Variants in UVRAG observed in about 807,000 individuals in gnomAD.
The protein encoded by UVRAG is UV radiation resistance associated, also known as UV radiation resistance-associated gene protein.
UVRAG carries 19 observed loss-of-function variants against 78.0 expected under a neutral mutation model. The ratio of observed to expected loss-of-function variants is 0.24; its 90% CI spans 0.17 to 0.36. UVRAG has a LOEUF of 0.36. UVRAG is among the 10% of genes least tolerant of loss of function. UVRAG has a pLI of 1.00. For synonymous variants in UVRAG, 323 were observed against 324.6 expected (o/e 1.00, Z 0.05); for missense variants, 740 against 853.8 (o/e 0.87, Z 1.66).
At position 75,815,389 on chromosome 11, in the gene UVRAG, T is replaced by C. The variant is rs1364846715; in HGVS notation, c.-19T>C. On this transcript the variant is annotated 5_prime_UTR_variant, in exon 1 of 15. Transcript: ENST00000356136. ...CCGGAAGAGTGCCCGCCCCGCCGCT[T>C]GGCGGCCCCTGGATCGAGATGAGCG... 6.6e-6 allele frequency: 8 copies of C among 1,214,622 alleles called. No individual in the cohort carries two copies. In the East Asian group the frequency reaches 1.3e-4, roughly 19 times the overall value. The allele number at this position is 1,214,622 out of a possible 1,614,324, so 75.2% of individuals were successfully genotyped here.
intron 6 of UVRAG, among the ~76,000 whole-genome samples, chr11:75,954,435 T>C (rs1948757238): frequency 6.6e-6 from 1 of 152,224 alleles, no homozygotes; most frequent in Non-Finnish European, 1.5e-5. Context: ...TTCTCTGGGT[T>C]GATGATGCCT....
intron 7 of UVRAG, among the ~76,000 whole-genome samples, chr11:75,978,749 T>G (rs565768462): frequency 3.3e-5 from 5 of 152,234 alleles, no homozygotes; most frequent in Non-Finnish European, 5.9e-5. Flanking sequence ...CTACGCTGTT[T>G]ATTCTAGTTA....
Position 75,935,012 on chromosome 11 carries a change from G to A in UVRAG, c.593+22973G>A, listed in dbSNP as rs1018335219. 2.6e-5 allele frequency: 4 copies of A among 152,324 alleles called. No individual in the cohort carries two copies. In the South Asian group the frequency reaches 6.2e-4, roughly 24 times the overall value. 9.4% of individuals were successfully genotyped at this position (152,324 alleles called of 1,614,324 possible). On this transcript the variant is annotated intron_variant, in intron 6 of 14. Transcript: ENST00000356136. ...CAGGGTTGGGCCTGGCTAGTACTTA[G>A]ATGGGAGAGGAAAGGCAGACAAAAT...
At chr11:76,048,036 G>T (rs991685798) in intron 12 of UVRAG, among the ~76,000 whole-genome samples, 1 of 152,182 alleles carries the variant, frequency 6.6e-6, no homozygotes, top group African/African-American at 2.4e-5. Context: ...TGAGACACAA[G>T]TTTGTATTAA....
intron 13 of UVRAG, among the ~76,000 whole-genome samples, chr11:76,113,320 G>A (rs1440344278): frequency 6.6e-6 from 1 of 152,046 alleles, no homozygotes; most frequent in African/African-American, 2.4e-5. Context: ...TAATGTATGG[G>A]AAAGGGGATA....
intron 3 of UVRAG, among the ~76,000 whole-genome samples, chr11:75,874,240 A>T (rs1946714153): frequency 6.6e-6 from 1 of 151,912 alleles, no homozygotes; most frequent in South Asian, 2.1e-4. Context: ...TTTGTTCTAA[A>T]TTCTGTCTTT....
chr11:75,839,741 A>G (rs1187299810), intron 1 of UVRAG, among the ~76,000 whole-genome samples: 1 of 141,410 alleles, frequency 7.1e-6, no homozygotes, highest in Non-Finnish European at 1.5e-5. Flanking sequence ...TGAAATGTAT[A>G]TTTTATATAT....
At chr11:76,125,511 C>T (rs1006959547) in intron 14 of UVRAG, among the ~76,000 whole-genome samples, 1 of 150,072 alleles carries the variant, frequency 6.7e-6, no homozygotes, top group Non-Finnish European at 1.5e-5. Context: ...CCCCCTCCTG[C>T]GGTTAACACC....
chr11:75,879,022 G>A (rs540019481), intron 3 of UVRAG, among the ~76,000 whole-genome samples: 1 of 152,254 alleles, frequency 6.6e-6, no homozygotes, highest in Admixed American at 6.5e-5. Context: ...TGTTATGAAA[G>A]CTCCTTAACA....
intron 12 of UVRAG, among the ~76,000 whole-genome samples, chr11:76,038,306 T>A (rs893165681): frequency 3.3e-5 from 5 of 152,030 alleles, no homozygotes; most frequent in Admixed American, 6.6e-5. Flanking sequence ...TGGAAAAAAA[T>A]TCCATTCAGC....
At chr11:75,910,602 C>T (rs930271542) in intron 5 of UVRAG, among the ~76,000 whole-genome samples, 2 of 150,180 alleles carry the variant, frequency 1.3e-5, no homozygotes, top group Non-Finnish European at 3.0e-5. Context: ...GTGGTGTGAC[C>T]GCCAGATTGG....
chr11:75,837,300 C>T (rs1026049846), intron 1 of UVRAG, among the ~76,000 whole-genome samples: 8 of 142,114 alleles, frequency 5.6e-5, no homozygotes, highest in African/African-American at 8.1e-5. Context: ...GCACTCCGGC[C>T]TGGGCGACAG....
chr11:75,820,356 T>G (rs77747983), intron 1 of UVRAG, among the ~76,000 whole-genome samples: 1 of 104,320 alleles, frequency 9.6e-6, no homozygotes, highest in South Asian at 2.8e-4. Flanking sequence ...TTTCACTTAT[T>G]CTTTTTTTTT....
chr11:76,119,535 C>G (rs988499644), intron 14 of UVRAG, among the ~76,000 whole-genome samples: 2 of 152,178 alleles, frequency 1.3e-5, no homozygotes, highest in African/African-American at 4.8e-5. Flanking sequence ...ACAGCTAAAA[C>G]CCTCCTTCCA....
intron 6 of UVRAG, among the ~76,000 whole-genome samples, chr11:75,933,811 C>T (rs549142706): frequency 5.4e-4 from 83 of 152,300 alleles, no homozygotes; most frequent in Middle Eastern, 6.8e-3. Flanking sequence ...TATTATCTCA[C>T]GCTAGTTAAA....
intron 12 of UVRAG, among the ~76,000 whole-genome samples, chr11:76,035,396 CT>C (rs1260626005): frequency 1.3e-5 from 2 of 152,080 alleles, no homozygotes; most frequent in African/African-American, 4.8e-5. Context: ...GATAGTATTC[CT>C]TTCTAAGATG....
chr11:75,893,961 C>A (rs73491787), intron 5 of UVRAG, among the ~76,000 whole-genome samples: 4,943 of 152,134 alleles, frequency 0.032, 265 homozygotes, highest in African/African-American at 0.11. Context: ...GTTTTAAATG[C>A]ATAAAGATTG....
chr11:76,052,824 C>G (rs1950895163), intron 12 of UVRAG, among the ~76,000 whole-genome samples: 1 of 152,048 alleles, frequency 6.6e-6, no homozygotes, highest in African/African-American at 2.4e-5. Flanking sequence ...CCATCTCATT[C>G]ATACCTATGG....
intron 7 of UVRAG, among the ~76,000 whole-genome samples, chr11:75,968,751 A>G (rs1388968902): frequency 6.6e-6 from 1 of 152,194 alleles, no homozygotes; most frequent in Non-Finnish European, 1.5e-5. Flanking sequence ...CTGCCCAGGT[A>G]GAATTCAATT....
Sources: gnomAD v4.1 joint callset for allele counts (sites outside exome capture counted in the v4.1 genomes callset) on GRCh38, gnomAD v4.1.1 for gene constraint, MANE v1.5 for transcripts, NCBI Gene and HGNC (gene_info 2026-07-23, HGNC 2026-07-21) for gene names.